GGA2: variants seen among roughly 807,000 people sequenced by gnomAD.
GGA2 encodes ADP-ribosylation factor-binding protein GGA2.
In GGA2, 48 loss-of-function variants were observed where a neutral mutation model predicts 79.5. That is an observed-to-expected ratio of 0.60 (90% CI 0.48 to 0.77). The LOEUF (loss-of-function observed/expected upper bound fraction) is 0.77. GGA2 is among the 30% of genes least tolerant of loss of function. The probability of loss-of-function intolerance (pLI) is 0.00; values close to 1 mark genes in which losing one functional copy is unlikely to be tolerated. For missense variants in GGA2, 770 were observed against 774.0 expected, an observed-to-expected ratio of 0.99 and a Z score of 0.06; for synonymous variants, 317 against 302.0, an observed-to-expected ratio of 1.05 and a Z score of -0.51.
intron 4 of GGA2, among the ~76,000 whole-genome samples, chr16:23,492,726 C>T (rs953154534): frequency 2.0e-5 from 3 of 152,142 alleles, no homozygotes; most frequent in South Asian, 4.2e-4. Flanking sequence ...GAATATGGGG[C>T]GGTGGGGGTC....
upstream of GGA2, among the ~76,000 whole-genome samples, chr16:23,514,182 T>G (rs1260326541): frequency 1.3e-5 from 2 of 152,030 alleles, no homozygotes; most frequent in Non-Finnish European, 2.9e-5. Context: ...CTTGGCTCAC[T>G]GCAACCTCTG....
rs1467845265 is a variant in GGA2, at chr16:23,510,346, C to G, written c.66G>C (p.Pro22=). The change falls in exon 1 of 17, where the codon CCG becomes CCC. Residue 22 remains proline (P), a synonymous_variant. Coordinates refer to ENST00000309859, the MANE Select transcript of GGA2 (RefSeq NM_015044.4). Reference sequence around the variant, plus strand: ...TGAGCCACAGCTCCAGCGACGCTGCCGGGCCCGGGGGACCCTGGGCCGACT... The same window carrying G: ...TGAGCCACAGCTCCAGCGACGCTGCGGGGCCCGGGGGACCCTGGGCCGACT... ...GTESAQGPPG[P]AASLELWLNK... is the part of the protein sequence containing the mutation. The G allele has an allele frequency of 8.4e-6, 12 of 1,435,392 alleles. No homozygotes were observed. The highest frequency in any genetic ancestry group is 1.1e-5 in the Non-Finnish European group (12 of 1,095,348). The allele number at this position is 1,435,392 out of a possible 1,614,324, so 88.9% of individuals were successfully genotyped here. A position where few individuals can be genotyped will look rare whatever the true frequency, so the allele number is the denominator to read the frequency against.
At chr16:23,478,555 AC>A in intron 12 of GGA2, 54 bp from the exon 13 acceptor site, 1 of 1,572,216 alleles carries the variant, frequency 6.4e-7, no homozygotes, top group African/African-American at 1.3e-5. Context: ...ACCATCAGCC[AC>A]AGTAAAACCA....
rs2142120846 is a variant in GGA2, at chr16:23,479,866, C to T, written c.1028G>A (p.Cys343Tyr). Residue 343 changes from cysteine to tyrosine, a missense_variant, in exon 11 of 17, where the codon TGC (cysteine) becomes TAC (tyrosine). Cys to Tyr is a radical substitution (Grantham distance 194). Coordinates refer to ENST00000309859, the MANE Select transcript of GGA2 (RefSeq NM_015044.4). ...GTCAATCAGGGGGCAGGTCTTCATG[C>T]AGCCTGCTGGATTCTGAAAGACTAG... ...VSRVFQNPAG[C>Y]MKTCPLIDLE... 1 of 1,614,050 alleles carries T rather than the reference C, an allele frequency of 6.2e-7. No individual in the cohort carries two copies. The highest frequency in any genetic ancestry group is 1.7e-5 in the Admixed American group (1 of 60,020).
rs140282248 is a variant in GGA2, at chr16:23,493,443, T to C, written c.268A>G (p.Met90Val). 2 of 1,610,174 alleles carry C rather than the reference T, an allele frequency of 1.2e-6. No individual in the cohort carries two copies. The highest frequency in any genetic ancestry group is 1.3e-5 in the African/African-American group (1 of 74,846). The change falls in exon 4 of 17, where the codon ATG becomes GTG. Residue 90 changes from methionine to valine, a missense_variant. Coordinates refer to ENST00000309859, the MANE Select transcript of GGA2 (RefSeq NM_015044.4). ...LYALTVLEMC[M>V]NHCGEKFHSE... ...TGGAACTTCTCCCCACAGTGGTTCA[T>C]GCACATCTCCAGCACCTGCACAGAC... is the stretch of plus-strand genomic sequence containing the variant.
chr16:23,472,800 C>T (rs1345905584), intron 14 of GGA2, among the ~76,000 whole-genome samples: 4 of 151,628 alleles, frequency 2.6e-5, no homozygotes, highest in Admixed American at 6.6e-5. Flanking sequence ...TTTGGGAGGC[C>T]GAGGTGGGCA....
chr16:23,500,055 T>C (rs1053914488), intron 1 of GGA2, among the ~76,000 whole-genome samples: 1 of 152,214 alleles, frequency 6.6e-6, no homozygotes, highest in Non-Finnish European at 1.5e-5. Flanking sequence ...GAGCTCCCTC[T>C]GTGCTCTCTT....
upstream of GGA2, among the ~76,000 whole-genome samples, chr16:23,514,745 C>T (rs1457121321): frequency 6.6e-6 from 1 of 152,140 alleles, no homozygotes; most frequent in East Asian, 1.9e-4. Context: ...GGTCTTAACC[C>T]GTCTTTTTGT....
chr16:23,482,559 C>A (rs1351421830), intron 9 of GGA2, among the ~76,000 whole-genome samples: 1 of 152,290 alleles, frequency 6.6e-6, no homozygotes, highest in East Asian at 1.9e-4. Flanking sequence ...ACCTACCTGG[C>A]CCCTGAAGGT....
intron 8 of GGA2, 41 bp from the exon 9 acceptor site, chr16:23,483,045 C>A: frequency 1.6e-6 from 2 of 1,268,416 alleles, no homozygotes; most frequent in Non-Finnish European, 2.3e-6. Context: ...CGCCCAGGCA[C>A]CCCATAACGC....
At chr16:23,502,360 C>T (rs1034716469) in intron 1 of GGA2, among the ~76,000 whole-genome samples, 1 of 152,148 alleles carries the variant, frequency 6.6e-6, no homozygotes, top group African/African-American at 2.4e-5. Context: ...CCTAGGGAAG[C>T]AGTAAAAGAC....
In GGA2 at chr16:23,491,382, T is replaced by A. The variant is rs1008264965; in HGVS notation, c.475+295A>T. Reference sequence around the variant, plus strand: ...GTCTTTTAAAAGATAAATAAGTGCTTTAGTGACATAGGTAGCTTGTATTTT... The same window carrying A: ...GTCTTTTAAAAGATAAATAAGTGCTATAGTGACATAGGTAGCTTGTATTTT... On this transcript the variant is annotated intron_variant, in intron 5 of 16. Transcript: ENST00000309859. 3.3e-5 allele frequency among the ~76,000 whole-genome samples: 5 copies of A among 151,696 alleles called. No individual in the cohort carries two copies. The East Asian group carries it at 9.6e-4, about 29-fold the overall frequency.
At chr16:23,520,614 C>T (rs146202225) in intron 1 of GGA2, among the ~76,000 whole-genome samples, 185 of 151,486 alleles carry the variant, frequency 1.2e-3, no homozygotes, top group African/African-American at 4.3e-3. Flanking sequence ...TATAATTGTG[C>T]CACTGCACTC....
rs77463366 is a variant in GGA2 at position 23,506,524 on chromosome 16, T to C, written c.91+3797A>G. 2.6e-4 allele frequency among the ~76,000 whole-genome samples: 39 copies of C among 152,232 alleles called. No homozygotes were observed. In the East Asian group the frequency reaches 6.8e-3, roughly 26 times the overall value. On this transcript the variant is annotated intron_variant, in intron 1 of 16. Transcript: ENST00000309859. ...GGAAACATGGCAGTATCTGGTGACATTTTTGGCTGTTATGACTGGGAGGAA... is the reference window on the plus strand; with the variant it reads ...GGAAACATGGCAGTATCTGGTGACACTTTTGGCTGTTATGACTGGGAGGAA...
chr16:23,463,941 TG>T lies in GGA2; in HGVS notation c.*3648del, dbSNP rs1488846018. On this transcript the variant is annotated 3_prime_UTR_variant, in exon 17 of 17. Coordinates refer to ENST00000309859, the MANE Select transcript of GGA2 (RefSeq NM_015044.4). ...ACAATCACGCCACTGCACTCCAGCCTGGGCAACAGAGCAAAGCCCTGTCTCA... is the reference window on the plus strand; with the variant it reads ...ACAATCACGCCACTGCACTCCAGCCTGGCAACAGAGCAAAGCCCTGTCTCA... 1 of 152,296 alleles carries T rather than the reference TG, an allele frequency of 6.6e-6. No individual in the cohort carries two copies. Among genetic ancestry groups the T allele is most frequent in the Non-Finnish European group, 1.5e-5 (1 of 68,086 alleles). The allele number at this position is 152,296 out of a possible 1,614,324, so 9.4% of individuals were successfully genotyped here.
upstream of GGA2, among the ~76,000 whole-genome samples, chr16:23,511,611 A>G (rs553201796): frequency 2.0e-5 from 3 of 151,948 alleles, no homozygotes; most frequent in South Asian, 4.1e-4. Flanking sequence ...GAACACTTCT[A>G]AACTAACATG....
intron 1 of GGA2, among the ~76,000 whole-genome samples, chr16:23,509,950 TAG>T (rs1212553639): frequency 1.3e-5 from 2 of 151,762 alleles, no homozygotes; most frequent in Non-Finnish European, 2.9e-5. Flanking sequence ...GGGTTAATAA[TAG>T]AAGCCAGCTC....
At chr16:23,500,305 G>A (rs1207874992) in intron 1 of GGA2, among the ~76,000 whole-genome samples, 1 of 152,240 alleles carries the variant, frequency 6.6e-6, no homozygotes, top group African/African-American at 2.4e-5. Context: ...CAAGCTACCG[G>A]AGAGGAGCCA....
intron 9 of GGA2, among the ~76,000 whole-genome samples, chr16:23,481,818 AT>A (rs1170287990): frequency 6.6e-6 from 1 of 152,230 alleles, no homozygotes; most frequent in Non-Finnish European, 1.5e-5. Context: ...TGCACATGCT[AT>A]CCACTAAGAG....
Sources: allele counts gnomAD v4.1 joint callset (sites outside exome capture counted in the v4.1 genomes callset), GRCh38; gene constraint gnomAD v4.1.1; transcripts MANE v1.5; gene names NCBI Gene and HGNC (gene_info 2026-07-23, HGNC 2026-07-21).